Variants in WDR33 observed in about 807,000 individuals in gnomAD.
WDR33 encodes the protein WD repeat domain 33, also known as pre-mRNA 3' end processing protein WDR33.
WDR33 carries 47 observed loss-of-function variants against 164.9 expected under a neutral mutation model. The ratio of observed to expected loss-of-function variants is 0.29; its 90% CI spans 0.23 to 0.36. The LOEUF is 0.36. Ranked by LOEUF, WDR33 falls within the 10% of genes least tolerant of loss-of-function variation. The probability of loss-of-function intolerance (pLI) is 1.00; values close to 1 mark genes in which losing one functional copy is unlikely to be tolerated. For missense variants in WDR33, 1,137 were observed against 1,754.1 expected, an observed-to-expected ratio of 0.65 and a Z score of 6.28; for synonymous variants, 505 against 589.0, an observed-to-expected ratio of 0.86 and a Z score of 2.06.
In WDR33 at chr2:127,716,520, C is replaced by T. The variant is rs555023131; in HGVS notation, c.2869+635G>A. Among the ~76,000 whole-genome samples the T allele has an allele frequency of 6.6e-6, 1 of 152,326 alleles. No individual in the cohort carries two copies. Among genetic ancestry groups the T allele is most frequent in the Non-Finnish European group, 1.5e-5 (1 of 68,026 alleles). On this transcript the variant is annotated intron_variant, in intron 17 of 21. Transcript: ENST00000322313. The surrounding 1 kb of genome is among the most constrained non-coding windows in gnomAD (Gnocchi z 4.5). ...GCGTGCTGCTCACCACGCTCCTGCT[C>T]CAACTCTGCAAGACAGGGGGGTCCC... is the stretch of plus-strand genomic sequence containing the variant.
At chr2:127,750,202 T>C (rs1317857879) in intron 7 of WDR33, among the ~76,000 whole-genome samples, 2 of 152,040 alleles carry the variant, frequency 1.3e-5, no homozygotes, top group African/African-American at 2.4e-5. Context: ...CTTTTTGTAT[T>C]TGTTTTGTAC....
chr2:127,706,106 T>C lies in WDR33; in HGVS notation c.*217A>G. On this transcript the variant is annotated 3_prime_UTR_variant, in exon 22 of 22. Transcript: ENST00000322313. This position sits in a 1 kb window ranked among gnomAD's most constrained non-coding sequence, Gnocchi z 5.1. ...TTATCTTCACAAAACAACATGGGAG[T>C]TGGGGCAATGAGGGTGGACAGGACA... The C allele has an allele frequency of 2.5e-6, 1 of 402,592 alleles. No homozygotes were observed. Among genetic ancestry groups the C allele is most frequent in the Non-Finnish European group, 4.4e-6 (1 of 229,392 alleles). The allele number at this position is 402,592 out of a possible 1,614,324, so 24.9% of individuals were successfully genotyped here. A position where few individuals can be genotyped will look rare whatever the true frequency, so the allele number is the denominator to read the frequency against.
intron 1 of WDR33, among the ~76,000 whole-genome samples, chr2:127,806,600 G>T (rs1207639279): frequency 3.3e-5 from 5 of 150,498 alleles, no homozygotes; most frequent in African/African-American, 7.4e-5. Context: ...TTTGGTCTTT[G>T]TTCTACCCTA....
intron 7 of WDR33, among the ~76,000 whole-genome samples, chr2:127,728,789 A>G (rs1686630257): frequency 6.6e-6 from 1 of 152,228 alleles, no homozygotes; most frequent in Non-Finnish European, 1.5e-5. Flanking sequence ...ATGCCTGAGA[A>G]AGCAGTTTCA....
In WDR33 at chr2:127,735,869, A is replaced by AT; in HGVS notation, c.725-9093dup. The AT allele has an allele frequency of 2.0e-6, 2 of 985,472 alleles. No individual in the cohort carries two copies. Among genetic ancestry groups the AT allele is most frequent in the Non-Finnish European group, 2.4e-6 (2 of 829,942 alleles). 61.0% of individuals were successfully genotyped at this position (985,472 alleles called of 1,614,324 possible). ...CAACAGTCAACATCAACTTGGAGTG[A>AT]TTACTATTAGTCATCTTTGTTGTCC... On this transcript the variant is annotated intron_variant, in intron 7 of 21. Transcript: ENST00000322313. The surrounding 1 kb of genome is among the most constrained non-coding windows in gnomAD (Gnocchi z 4.3).
Position 127,705,397 on chromosome 2 carries a change from A to C in WDR33, c.*926T>G, listed in dbSNP as rs1296874510. On this transcript the variant is annotated 3_prime_UTR_variant, in exon 22 of 22. Coordinates refer to ENST00000322313, the MANE Select transcript of WDR33 (RefSeq NM_018383.5). The surrounding 1 kb of genome is among the most constrained non-coding windows in gnomAD (Gnocchi z 4.5). ...TGCCGTAACACTGGTATTTCCACAT[A>C]GTATGGAAGAGGAAGAGAGGAAAAC... 1 of 153,806 alleles carries C rather than the reference A, an allele frequency of 6.5e-6. No individual in the cohort carries two copies. The highest frequency in any genetic ancestry group is 1.5e-5 in the Non-Finnish European group (1 of 68,056). 9.5% of individuals were successfully genotyped at this position (153,806 alleles called of 1,614,324 possible). A position where few individuals can be genotyped will look rare whatever the true frequency, so the allele number is the denominator to read the frequency against.
Position 127,722,495 on chromosome 2 carries a change from C to T in WDR33, c.1518+96G>A. 6.6e-7 allele frequency: 1 copy of T among 1,514,234 alleles called. No individual in the cohort carries two copies. Among genetic ancestry groups the T allele is most frequent in the Non-Finnish European group, 8.9e-7 (1 of 1,127,592 alleles). 93.8% of individuals were successfully genotyped at this position (1,514,234 alleles called of 1,614,324 possible). ...TGAACATGGGAAAAATGCTCCAGTA[C>T]AGAAACACCTTCAACAGTGAGATAA... On this transcript the variant is annotated intron_variant, in intron 14 of 21. Coordinates refer to ENST00000322313, the MANE Select transcript of WDR33 (RefSeq NM_018383.5). The surrounding 1 kb of genome is among the most constrained non-coding windows in gnomAD (Gnocchi z 5.1).
At chr2:127,746,809 A>T (rs1434637272) in intron 7 of WDR33, among the ~76,000 whole-genome samples, 1 of 152,252 alleles carries the variant, frequency 6.6e-6, no homozygotes. Context: ...GTAAACAGTA[A>T]TTACACTATA....
chr2:127,729,327 C>T (rs1478732579), intron 7 of WDR33, among the ~76,000 whole-genome samples: 1 of 152,210 alleles, frequency 6.6e-6, no homozygotes, highest in Non-Finnish European at 1.5e-5. Context: ...AGGGCCTCTC[C>T]TCTTAAGGAC....
intron 7 of WDR33, among the ~76,000 whole-genome samples, chr2:127,743,682 T>C (rs917488994): frequency 6.6e-6 from 1 of 152,158 alleles, no homozygotes; most frequent in African/African-American, 2.4e-5. Flanking sequence ...TGTAACCTAG[T>C]GGTGAGCCAA....
At chr2:127,743,008 C>T (rs376369737) in intron 7 of WDR33, among the ~76,000 whole-genome samples, 57 of 151,982 alleles carry the variant, frequency 3.8e-4, no homozygotes, top group African/African-American at 1.2e-3. Context: ...TAATGAAGGA[C>T]GTAAAAATTC....
chr2:127,719,783 C>T lies in WDR33; in HGVS notation c.2242G>A (p.Gly748Arg), dbSNP rs1558922927. ...TGAGGATGAGGAGGCCCTTGCATTC[C>T]TCTGGGACCAGGTGGTCCCTGCATA... Reference protein sequence around the residue: ...QGMQGPPGPRGMQGPPHPHGI... With the variant: ...QGMQGPPGPRRMQGPPHPHGI... The change falls in exon 16 of 22, where the codon GGA (glycine) becomes AGA (arginine). Residue 748 changes from glycine (G) to arginine (R), a missense_variant. Around this residue, in one of 9 missense-constraint regions of WDR33, gnomAD observed 867 missense variants for 1,073.0 expected, o/e 0.81. Coordinates refer to ENST00000322313, the MANE Select transcript of WDR33 (RefSeq NM_018383.5). This position sits in a 1 kb window ranked among gnomAD's most constrained non-coding sequence, Gnocchi z 6.5. The T allele has an allele frequency of 6.2e-7, 1 of 1,613,860 alleles. No homozygotes were observed. The highest frequency in any genetic ancestry group is 8.5e-7 in the Non-Finnish European group (1 of 1,179,990).
At chr2:127,725,735 AAATAATAATAATAATAATAATAATAAT>A (rs56352036) in intron 8 of WDR33, among the ~76,000 whole-genome samples, 3 of 141,104 alleles carry the variant, frequency 2.1e-5, no homozygotes, top group African/African-American at 5.2e-5. Context: ...CTCTGTCTCA[AAATAATAATAATAATAATAATAATAAT>A]AATAATAATA....
At position 127,706,805 on chromosome 2, in the gene WDR33, G is replaced by A. The variant is rs1448048693; in HGVS notation, c.3782-253C>T. On this transcript the variant is annotated intron_variant, in intron 21 of 21. Transcript: ENST00000322313. This position sits in a 1 kb window ranked among gnomAD's most constrained non-coding sequence, Gnocchi z 5.1. ...CCCAGGGCTGTGTGACAGACGACAGGAAGCCAAGAGATGAGCAAGGAGCAC... is the reference window on the plus strand; with the variant it reads ...CCCAGGGCTGTGTGACAGACGACAGAAAGCCAAGAGATGAGCAAGGAGCAC... Among the ~76,000 whole-genome samples the A allele has an allele frequency of 6.6e-6, 1 of 152,224 alleles. No individual in the cohort carries two copies. The highest frequency in any genetic ancestry group is 1.5e-5 in the Non-Finnish European group (1 of 68,054).
chr2:127,770,802 A>G lies in WDR33; in HGVS notation c.180T>C (p.Asn60=). 1 of 1,614,172 alleles carries G rather than the reference A, an allele frequency of 6.2e-7. No homozygotes were observed. The highest frequency in any genetic ancestry group is 1.1e-5 in the South Asian group (1 of 91,088). Residue 60 remains asparagine, a synonymous_variant, in exon 2 of 22, where the codon AAT becomes AAC. Coordinates refer to ENST00000322313, the MANE Select transcript of WDR33 (RefSeq NM_018383.5). This position sits in a 1 kb window ranked among gnomAD's most constrained non-coding sequence, Gnocchi z 4.9. ...CCTCCAAATACTTAATTACAGATGG[A>G]TTGTAGTCTATGGTTTTTCGGTTCA... ...KAVNRKTIDY[N]PSVIKYLENR... is the part of the protein sequence containing the mutation.
chr2:127,743,513 T>C (rs556754066), intron 7 of WDR33, among the ~76,000 whole-genome samples: 29 of 152,326 alleles, frequency 1.9e-4, no homozygotes, highest in African/African-American at 6.5e-4. Context: ...AAATGCTATC[T>C]TTTTTGTTCT....
At chr2:127,788,426 A>AC (rs1200474118) in intron 1 of WDR33, among the ~76,000 whole-genome samples, 65 of 94,286 alleles carry the variant, frequency 6.9e-4, no homozygotes, top group South Asian at 3.4e-3. Flanking sequence ...CGGAGGGCTG[A>AC]CCCCCCCCAC....
intron 7 of WDR33, among the ~76,000 whole-genome samples, chr2:127,760,361 G>A (rs970997429): frequency 6.6e-6 from 1 of 152,160 alleles, no homozygotes; most frequent in Admixed American, 6.5e-5. Context: ...GAGTCTATGC[G>A]TGTTACATGA....
Position 127,702,467 on chromosome 2 carries a change from G to A in WDR33, c.*3856C>T, listed in dbSNP as rs554578460. 3.0e-5 allele frequency: 7 copies of A among 232,286 alleles called. No individual in the cohort carries two copies. Among genetic ancestry groups the A allele is most frequent in the Non-Finnish European group, 6.3e-5 (7 of 111,336 alleles). The allele number at this position is 232,286 out of a possible 1,614,324, so 14.4% of individuals were successfully genotyped here. ...ACGGTTATTAGAAGTTGCTTTCGAA[G>A]TAACTGTGGTCTTAGGTTCGGCTGA... On this transcript the variant is annotated 3_prime_UTR_variant, in exon 22 of 22. Transcript: ENST00000322313.
Sources: gnomAD v4.1 joint callset for allele counts (sites outside exome capture counted in the v4.1 genomes callset) on GRCh38, gnomAD v4.1.1 for gene constraint, gnomAD v4.1.1 regional missense constraint, Gnocchi (gnomAD v3.1) non-coding constraint, MANE v1.5 for transcripts, NCBI Gene and HGNC (gene_info 2026-07-23, HGNC 2026-07-21) for gene names.